TCF12: variants seen among roughly 807,000 people sequenced by gnomAD.
TCF12 encodes DNA-binding protein HTF4.
Under a neutral mutation model 86.0 loss-of-function variants are expected in TCF12, and 45 were observed. The ratio of observed to expected loss-of-function variants is 0.52; its 90% CI spans 0.41 to 0.67. TCF12 has a LOEUF of 0.67. Ranked by LOEUF, TCF12 falls within the 30% of genes least tolerant of loss-of-function variation. The pLI is 0.00. For synonymous variants in TCF12, 330 were observed against 299.6 expected (o/e 1.10, Z -1.05); for missense variants, 881 against 859.9 (o/e 1.02, Z -0.31).
intron 8 of TCF12, among the ~76,000 whole-genome samples, chr15:57,200,431 A>G (rs2057483903): frequency 6.6e-6 from 1 of 152,174 alleles, no homozygotes; most frequent in Non-Finnish European, 1.5e-5. Flanking sequence ...TGCAAACTAT[A>G]AGAAAAATGG....
intron 6 of TCF12, among the ~76,000 whole-genome samples, chr15:57,185,535 A>G (rs1377432983): frequency 6.6e-6 from 1 of 152,252 alleles, no homozygotes; most frequent in Non-Finnish European, 1.5e-5. Flanking sequence ...AAAGATTAGA[A>G]CAGAAATAAA....
At chr15:56,919,045 G>A (rs1273849743) in intron 1 of TCF12, 139 bp downstream of exon 1, 1 of 151,894 alleles carries the variant, frequency 6.6e-6, no homozygotes, top group Non-Finnish European at 1.5e-5. Flanking sequence ...GCGAAACCCG[G>A]GGTCCCCTCC....
intron 3 of TCF12, among the ~76,000 whole-genome samples, chr15:56,964,915 A>G (rs926043995): frequency 6.6e-6 from 1 of 152,224 alleles, no homozygotes; most frequent in Non-Finnish European, 1.5e-5. Context: ...AATGTCCTGT[A>G]TCAGGGATAC....
At chr15:56,966,741 A>G (rs1361400843) in intron 3 of TCF12, among the ~76,000 whole-genome samples, 1 of 152,208 alleles carries the variant, frequency 6.6e-6, no homozygotes, top group African/African-American at 2.4e-5. Flanking sequence ...TGGCTTATAT[A>G]TATTAAATGT....
At chr15:56,924,378 C>A (rs1054361415) in intron 3 of TCF12, among the ~76,000 whole-genome samples, 1 of 152,262 alleles carries the variant, frequency 6.6e-6, no homozygotes, top group East Asian at 1.9e-4. Context: ...TGCCTTCTTT[C>A]TCTGTTAAAC....
chr15:57,265,432 TC>T (rs1369563972), intron 18 of TCF12, among the ~76,000 whole-genome samples: 1 of 152,084 alleles, frequency 6.6e-6, no homozygotes, highest in East Asian at 1.9e-4. Flanking sequence ...TGGCATCCCG[TC>T]CAGGATTGTT....
At chr15:57,115,389 A>G (rs1157520397) in intron 5 of TCF12, among the ~76,000 whole-genome samples, 9 of 152,230 alleles carry the variant, frequency 5.9e-5, no homozygotes, top group Non-Finnish European at 1.0e-4. Context: ...TATACATTCT[A>G]GTAATTTTTG....
In TCF12 at chr15:57,139,506, T is replaced by TTA. The variant is rs532443714; in HGVS notation, c.326-26895_326-26894dup. Among the ~76,000 whole-genome samples, 481 of 152,260 alleles carry TTA rather than the reference T, an allele frequency of 3.2e-3. 1 individual carries two copies. Among genetic ancestry groups the TTA allele is most frequent in the African/African-American group, 0.011 (462 of 41,560 alleles). ...TTGACTAGGCAAACTTTAGTGAATC[T>TTA]TAGTCCTTTTCCCTGGAAAAATTAA... On this transcript the variant is annotated intron_variant, in intron 5 of 20. Coordinates refer to ENST00000333725, the MANE Select transcript of TCF12 (RefSeq NM_207037.2).
intron 13 of TCF12, chr15:57,247,696 C>T (rs1312204520): frequency 2.7e-6 from 2 of 745,258 alleles, no homozygotes; most frequent in Non-Finnish European, 4.9e-6. Flanking sequence ...GGGCACCAGA[C>T]TTTACAGAAT....
intron 5 of TCF12, among the ~76,000 whole-genome samples, chr15:57,149,421 T>C (rs997286574): frequency 1.1e-4 from 16 of 152,312 alleles, no homozygotes; most frequent in Non-Finnish European, 1.8e-4. Context: ...AACTGGAAAA[T>C]TGCCAGCCTT....
chr15:57,082,460 AT>A (rs1248400589), intron 4 of TCF12, among the ~76,000 whole-genome samples: 1 of 152,262 alleles, frequency 6.6e-6, no homozygotes, highest in African/African-American at 2.4e-5. Context: ...AGATTAACTC[AT>A]TTAACAAATG....
Position 57,038,441 on chromosome 15 carries a change from G to T in TCF12, c.149-25309G>T, listed in dbSNP as rs2066657562. Among the ~76,000 whole-genome samples the T allele has an allele frequency of 2.0e-5, 3 of 150,546 alleles. No individual in the cohort carries two copies. The South Asian group carries it at 6.4e-4, about 32-fold the overall frequency. On this transcript the variant is annotated intron_variant, in intron 3 of 20. Coordinates refer to ENST00000333725, the MANE Select transcript of TCF12 (RefSeq NM_207037.2). ...CCCATCTCAAAAAGAAAGAAGGTGG[G>T]GGTGGTGGAGAGAAGGAAGAGAGGG...
At chr15:57,082,482 A>T (rs942108090) in intron 4 of TCF12, among the ~76,000 whole-genome samples, 2 of 152,212 alleles carry the variant, frequency 1.3e-5, no homozygotes, top group African/African-American at 4.8e-5. Context: ...TGTCTTGAAC[A>T]TTTTTTATGG....
At chr15:57,128,713 C>A (rs1193832026) in intron 5 of TCF12, among the ~76,000 whole-genome samples, 1 of 152,186 alleles carries the variant, frequency 6.6e-6, no homozygotes, top group African/African-American at 2.4e-5. Context: ...CACCCATCTC[C>A]TAGCAACAGT....
chr15:56,940,508 TCTC>T (rs1197443302), intron 3 of TCF12, among the ~76,000 whole-genome samples: 1 of 149,472 alleles, frequency 6.7e-6, no homozygotes, highest in South Asian at 2.1e-4. Context: ...TCCTTCTTCT[TCTC>T]CTCCTCCTCC....
At chr15:57,207,342 T>G (rs2057876667) in intron 8 of TCF12, among the ~76,000 whole-genome samples, 1 of 152,174 alleles carries the variant, frequency 6.6e-6, no homozygotes, top group Non-Finnish European at 1.5e-5. Flanking sequence ...CTTAGTTTCC[T>G]TTTTGCTTTT....
chr15:57,034,451 A>C (rs1261867129), intron 3 of TCF12, among the ~76,000 whole-genome samples: 18 of 152,212 alleles, frequency 1.2e-4, no homozygotes, highest in Non-Finnish European at 1.3e-4. Context: ...GGAGAAACAA[A>C]GGAAATTAAT....
intron 5 of TCF12, among the ~76,000 whole-genome samples, chr15:57,163,478 T>G (rs1445258468): frequency 6.6e-6 from 1 of 152,048 alleles, no homozygotes; most frequent in Non-Finnish European, 1.5e-5. Context: ...GGTAGGAGGG[T>G]TGCTTGAGCC....
intron 6 of TCF12, among the ~76,000 whole-genome samples, chr15:57,188,956 G>C (rs866142198): frequency 6.6e-6 from 1 of 152,092 alleles, no homozygotes; most frequent in Non-Finnish European, 1.5e-5. Context: ...CCTGGCTAAT[G>C]GTTTTAATTT....
Sources: allele counts gnomAD v4.1 joint callset (sites outside exome capture counted in the v4.1 genomes callset), GRCh38; gene constraint gnomAD v4.1.1; transcripts MANE v1.5; gene names NCBI Gene and HGNC (gene_info 2026-07-23, HGNC 2026-07-21).